Variants in FHIT observed in about 807,000 individuals in gnomAD.
FHIT encodes bis(5'-adenosyl)-triphosphatase.
In FHIT, 19 loss-of-function variants were observed where a neutral mutation model predicts 17.9. The observed-to-expected ratio is 1.06, with a 90% CI of 0.74 to 1.56. FHIT has a LOEUF of 1.56. FHIT is among the 40% of genes most tolerant of loss of function. FHIT has a pLI of 0.00. For missense variants in FHIT, 248 were observed against 189.2 expected (o/e 1.31, Z -1.82); for synonymous variants, 81 against 69.7 (o/e 1.16, Z -0.81).
chr3:59,947,211 G>C (rs963017253), intron 7 of FHIT, among the ~76,000 whole-genome samples: 11 of 152,134 alleles, frequency 7.2e-5, no homozygotes, highest in African/African-American at 2.4e-4. Context: ...TCTGTCCAGG[G>C]TTTCCGTTTC....
intron 4 of FHIT, among the ~76,000 whole-genome samples, chr3:60,588,024 T>C (rs2037961768): frequency 6.6e-6 from 1 of 151,958 alleles, no homozygotes; most frequent in Non-Finnish European, 1.5e-5. Context: ...TTAAAAGCAG[T>C]TGTGATTAAA....
At chr3:59,958,760 A>G (rs985413929) in intron 7 of FHIT, among the ~76,000 whole-genome samples, 1 of 152,142 alleles carries the variant, frequency 6.6e-6, no homozygotes, top group African/African-American at 2.4e-5. Context: ...TCCGGGGCCA[A>G]CCTTCTATGA....
chr3:61,184,415 C>G (rs1367266646), intron 2 of FHIT, among the ~76,000 whole-genome samples: 1 of 152,106 alleles, frequency 6.6e-6, no homozygotes, highest in Non-Finnish European at 1.5e-5. Flanking sequence ...CCAACCAAAG[C>G]TGACCTGCTA....
chr3:61,238,462 TTC>T (rs2040286913), intron 1 of FHIT, among the ~76,000 whole-genome samples: 1 of 152,132 alleles, frequency 6.6e-6, no homozygotes, highest in East Asian at 1.9e-4. Flanking sequence ...ACCGCTGCCC[TTC>T]ATAGAGCTTA....
At chr3:60,211,233 C>T (rs948055621) in intron 5 of FHIT, among the ~76,000 whole-genome samples, 1 of 151,688 alleles carries the variant, frequency 6.6e-6, no homozygotes, top group African/African-American at 2.4e-5. Flanking sequence ...GGATGGAACA[C>T]AAATATAAAT....
chr3:61,178,423 T>G (rs1036928066), intron 2 of FHIT, among the ~76,000 whole-genome samples: 1 of 151,098 alleles, frequency 6.6e-6, no homozygotes, highest in East Asian at 1.9e-4. Context: ...GTGGTGGGCA[T>G]TGGGGATAAG....
chr3:60,216,679 T>G (rs1418863255), intron 5 of FHIT, among the ~76,000 whole-genome samples: 9 of 152,184 alleles, frequency 5.9e-5, no homozygotes, highest in Non-Finnish European at 1.3e-4. Flanking sequence ...GCTGGTTGGA[T>G]AGATAATCCA....
At chr3:60,440,322 G>C (rs954769889) in intron 5 of FHIT, among the ~76,000 whole-genome samples, 1 of 151,998 alleles carries the variant, frequency 6.6e-6, no homozygotes, top group Non-Finnish European at 1.5e-5. Flanking sequence ...ATGTCATTCT[G>C]AGTGCCCTGT....
intron 5 of FHIT, among the ~76,000 whole-genome samples, chr3:60,050,056 C>T (rs1701809809): frequency 6.6e-6 from 1 of 152,122 alleles, no homozygotes; most frequent in Admixed American, 6.6e-5. Flanking sequence ...ACATATTAGC[C>T]ATTCAAAGTT....
At chr3:61,109,674 G>A (rs1370348667) in intron 2 of FHIT, among the ~76,000 whole-genome samples, 1 of 152,068 alleles carries the variant, frequency 6.6e-6, no homozygotes, top group East Asian at 1.9e-4. Flanking sequence ...AGTGTCATTA[G>A]GAATTTCTAC....
At chr3:60,083,270 T>C (rs1354558761) in intron 5 of FHIT, among the ~76,000 whole-genome samples, 2 of 152,042 alleles carry the variant, frequency 1.3e-5, no homozygotes, top group African/African-American at 2.4e-5. Context: ...CAGTTGGAGG[T>C]GTGAGGTTTT....
chr3:60,898,953 AT>A (rs1705966285), intron 3 of FHIT, among the ~76,000 whole-genome samples: 1 of 152,148 alleles, frequency 6.6e-6, no homozygotes, highest in African/African-American at 2.4e-5. Flanking sequence ...GGCCTTAGAA[AT>A]TTTTACTTCA....
intron 4 of FHIT, among the ~76,000 whole-genome samples, chr3:60,565,221 T>C (rs1250270029): frequency 6.6e-6 from 1 of 152,194 alleles, no homozygotes; most frequent in African/African-American, 2.4e-5. Flanking sequence ...ATTGGGAAAC[T>C]AAAATTCACA....
intron 5 of FHIT, among the ~76,000 whole-genome samples, chr3:60,436,498 C>T (rs555557353): frequency 6.6e-6 from 1 of 152,248 alleles, no homozygotes; most frequent in South Asian, 2.1e-4. Context: ...ATAAAACAGA[C>T]CAACAGAAGC....
intron 8 of FHIT, among the ~76,000 whole-genome samples, chr3:59,881,043 G>A (rs1703389184): frequency 6.6e-6 from 1 of 152,126 alleles, no homozygotes; most frequent in Admixed American, 6.6e-5. Context: ...TAGATTAATG[G>A]ATGTATTCCC....
intron 2 of FHIT, among the ~76,000 whole-genome samples, chr3:61,156,356 T>C (rs1203396696): frequency 1.3e-5 from 2 of 152,164 alleles, no homozygotes; most frequent in African/African-American, 2.4e-5. Flanking sequence ...CACAGAAACA[T>C]TGGTGACCTT....
chr3:59,830,100 C>G (rs902496159), intron 8 of FHIT, among the ~76,000 whole-genome samples: 7 of 152,032 alleles, frequency 4.6e-5, no homozygotes, highest in African/African-American at 1.7e-4. Context: ...AACAACCCCC[C>G]CCTCAAAAGT....
chr3:60,988,608 G>A (rs888147673), intron 3 of FHIT, among the ~76,000 whole-genome samples: 13 of 152,130 alleles, frequency 8.5e-5, no homozygotes, highest in Non-Finnish European at 1.8e-4. Flanking sequence ...GCACAGAAGG[G>A]GAAAGAATCT....
chr3:60,401,947 G>A (rs569426279), intron 5 of FHIT, among the ~76,000 whole-genome samples: 4 of 152,156 alleles, frequency 2.6e-5, no homozygotes, highest in African/African-American at 7.2e-5. Context: ...CATTTCATGC[G>A]TAATTAGAAA....
Sources: gnomAD v4.1 joint callset for allele counts (sites outside exome capture counted in the v4.1 genomes callset) on GRCh38, gnomAD v4.1.1 for gene constraint, MANE v1.5 for transcripts, NCBI Gene and HGNC (gene_info 2026-07-23, HGNC 2026-07-21) for gene names.